FNIP1: variants seen among roughly 807,000 people sequenced by gnomAD.
The protein encoded by FNIP1 is folliculin interacting protein 1, also known as folliculin-interacting protein 1.
In FNIP1, 40 loss-of-function variants were observed where a neutral mutation model predicts 124.5. That is an observed-to-expected ratio of 0.32 (90% CI 0.25 to 0.42). The LOEUF (loss-of-function observed/expected upper bound fraction) is 0.42. Ranked by LOEUF, FNIP1 falls within the 10% of genes least tolerant of loss-of-function variation. The pLI, the probability that FNIP1 is intolerant of heterozygous loss-of-function variation, is 1.00. For missense variants in FNIP1, 1,176 were observed against 1,403.7 expected (o/e 0.84, Z 2.59); for synonymous variants, 472 against 470.6 (o/e 1.00, Z -0.04).
intron 1 of FNIP1, among the ~76,000 whole-genome samples, chr5:131,764,098 C>G (rs1435671518): frequency 6.6e-6 from 1 of 151,678 alleles, no homozygotes; most frequent in Non-Finnish European, 1.5e-5. Flanking sequence ...CTTTTTTTTG[C>G]TCCTGCTCTA....
At chr5:131,645,326 A>C (rs527985164) in intron 17 of FNIP1, among the ~76,000 whole-genome samples, 38 of 147,388 alleles carry the variant, frequency 2.6e-4, no homozygotes, top group African/African-American at 9.1e-4. Flanking sequence ...AAAAAAAAAC[A>C]AAGAATAATA....
At chr5:131,785,087 T>TG in intron 1 of FNIP1, among the ~76,000 whole-genome samples, 2 of 23,400 alleles carry the variant, frequency 8.5e-5, no homozygotes, top group Non-Finnish European at 3.1e-4. Flanking sequence ...GACATATATA[T>TG]ATGATATATA....
intron 4 of FNIP1, 29 bp downstream of exon 4, chr5:131,719,288 C>T (rs369863402): frequency 2.6e-5 from 41 of 1,573,878 alleles, no homozygotes; most frequent in Middle Eastern, 3.4e-4. Context: ...AAATGGGACT[C>T]GTTAAAAAAA....
intron 1 of FNIP1, among the ~76,000 whole-genome samples, chr5:131,787,682 G>A (rs1242802537): frequency 6.6e-6 from 1 of 152,160 alleles, no homozygotes; most frequent in Non-Finnish European, 1.5e-5. Context: ...TAAAGCTATT[G>A]TGAGAATTAA....
intron 3 of FNIP1, among the ~76,000 whole-genome samples, chr5:131,725,936 C>T (rs542796504): frequency 1.4e-4 from 21 of 152,288 alleles, no homozygotes; most frequent in Non-Finnish European, 2.8e-4. Flanking sequence ...AAGACCTTTT[C>T]TGCATCTGAG....
chr5:131,758,841 G>T (rs1771133715), intron 1 of FNIP1, among the ~76,000 whole-genome samples: 1 of 151,926 alleles, frequency 6.6e-6, no homozygotes, highest in South Asian at 2.1e-4. Flanking sequence ...CTCAATGCGG[G>T]CAAGATCACT....
chr5:131,705,121 AG>A (rs1022067429), intron 9 of FNIP1, among the ~76,000 whole-genome samples: 1 of 152,106 alleles, frequency 6.6e-6, no homozygotes, highest in African/African-American at 2.4e-5. Flanking sequence ...ATATGGGCAA[AG>A]GACTTAAATA....
intron 10 of FNIP1, among the ~76,000 whole-genome samples, chr5:131,703,480 T>G (rs1768970392): frequency 6.6e-6 from 1 of 152,232 alleles, no homozygotes; most frequent in East Asian, 1.9e-4. Flanking sequence ...AGGTCCTACA[T>G]GATCTAGTCT....
intron 1 of FNIP1, among the ~76,000 whole-genome samples, chr5:131,785,008 C>CTA (rs10656273): frequency 1.0e-3 from 14 of 13,752 alleles, no homozygotes; most frequent in East Asian, 1.6e-3. Context: ...ATATATATGA[C>CTA]TATATATATG....
intron 11 of FNIP1, among the ~76,000 whole-genome samples, chr5:131,695,034 G>A (rs1768641005): frequency 6.6e-6 from 1 of 152,074 alleles, no homozygotes; most frequent in Non-Finnish European, 1.5e-5. Context: ...AACCCTGGGA[G>A]GCAGAGGCTG....
At chr5:131,697,802 C>A (rs749907566) in intron 11 of FNIP1, among the ~76,000 whole-genome samples, 1 of 150,666 alleles carries the variant, frequency 6.6e-6, no homozygotes, top group African/African-American at 2.4e-5. Context: ...CCCGTCTCTA[C>A]TAAAAATAAA....
At chr5:131,796,657 C>T (rs911313317) in intron 1 of FNIP1, 173 bp downstream of exon 1, 2 of 611,450 alleles carry the variant, frequency 3.3e-6, no homozygotes, top group South Asian at 2.1e-5. Flanking sequence ...AAGGTAGGAC[C>T]TCGCTCCAAC....
At chr5:131,765,114 T>G (rs1409662646) in intron 1 of FNIP1, among the ~76,000 whole-genome samples, 2 of 151,984 alleles carry the variant, frequency 1.3e-5, no homozygotes, top group Non-Finnish European at 2.9e-5. Context: ...CCCAGCTACT[T>G]GGGAGGCTGA....
At chr5:131,777,946 C>T (rs1771866223) in intron 1 of FNIP1, among the ~76,000 whole-genome samples, 2 of 152,178 alleles carry the variant, frequency 1.3e-5, no homozygotes, top group South Asian at 2.1e-4. Flanking sequence ...CCAATGGATG[C>T]TAAAACCATG....
chr5:131,754,203 C>G (rs1226981130), intron 1 of FNIP1, among the ~76,000 whole-genome samples: 1 of 152,176 alleles, frequency 6.6e-6, no homozygotes. Flanking sequence ...TATTCATTCA[C>G]TGACTTAAAA....
rs1392558070 is a variant in FNIP1, at chr5:131,672,574, T to G, written c.1870A>C (p.Asn624His). Reference protein sequence around the residue: ...SHPLLGQNVENISQQEREDIQ... With the variant: ...SHPLLGQNVEHISQQEREDIQ... ...TCTTCTCTCTCTTGTTGTGAAATGTTCTCTACATTTTGCCCAAGGAGTGGA... is the reference window on the plus strand; with the variant it reads ...TCTTCTCTCTCTTGTTGTGAAATGTGCTCTACATTTTGCCCAAGGAGTGGA... The change falls in exon 14 of 18, where the codon AAC becomes CAC. Residue 624 changes from asparagine to histidine, a missense_variant. Physicochemically the swap from Asn to His is moderately conservative, Grantham distance 68. This residue lies in a region of FNIP1 where 1,109 missense variants were observed against 1,288.5 expected (regional missense o/e 0.86). Transcript: ENST00000510461. 6.2e-7 allele frequency: 1 copy of G among 1,614,108 alleles called. No individual in the cohort carries two copies. The highest frequency in any genetic ancestry group is 1.3e-5 in the African/African-American group (1 of 75,062).
chr5:131,738,503 T>A (rs1580799339), intron 2 of FNIP1, among the ~76,000 whole-genome samples: 2 of 152,168 alleles, frequency 1.3e-5, no homozygotes, highest in South Asian at 4.1e-4. Context: ...GCTAGAAATA[T>A]CTTTGCTTGA....
intron 11 of FNIP1, among the ~76,000 whole-genome samples, chr5:131,687,158 T>G (rs552930114): frequency 6.6e-6 from 1 of 150,516 alleles, no homozygotes; most frequent in Admixed American, 6.7e-5. Flanking sequence ...CAAGCTAGAG[T>G]GCAATGGCAC....
intron 15 of FNIP1, among the ~76,000 whole-genome samples, chr5:131,666,125 G>C (rs942330352): frequency 6.6e-6 from 1 of 151,972 alleles, no homozygotes; most frequent in African/African-American, 2.4e-5. Context: ...CTGACCTCAT[G>C]ATCTGCCTAC....
Sources: allele counts gnomAD v4.1 joint callset (sites outside exome capture counted in the v4.1 genomes callset), GRCh38; gene constraint gnomAD v4.1.1; regional missense constraint gnomAD v4.1.1; transcripts MANE v1.5; gene names NCBI Gene and HGNC (gene_info 2026-07-23, HGNC 2026-07-21).